The following FLT4 variants were observed in gnomAD, a reference collection of about 807,000 sequenced individuals.
FLT4 encodes vascular endothelial growth factor receptor 3.
FLT4 carries 30 observed loss-of-function variants against 163.2 expected under a neutral mutation model. The observed-to-expected ratio is 0.18, with a 90% CI of 0.14 to 0.25. The LOEUF is 0.25. Ranked by LOEUF, FLT4 falls within the 10% of genes least tolerant of loss-of-function variation. The pLI, the probability that FLT4 is intolerant of heterozygous loss-of-function variation, is 1.00. For synonymous variants in FLT4, 884 were observed against 789.5 expected, an observed-to-expected ratio of 1.12 and a Z score of -2.01; for missense variants, 1,510 against 1,863.8, an observed-to-expected ratio of 0.81 and a Z score of 3.50.
chr5:180,605,095 C>T (rs946677737), intron 29 of FLT4, among the ~76,000 whole-genome samples: 10 of 152,228 alleles, frequency 6.6e-5, no homozygotes, highest in African/African-American at 2.4e-4. Context: ...TGAGCGGCTG[C>T]TACCACAGGC....
chr5:180,648,642 C>G lies in FLT4; in HGVS notation c.58+846G>C, dbSNP rs374654565. ...TTCCTCCCTGACATCTCCATCCACTCCCTCTGCCGCCCGCTCATCCCCCAC... is the reference window on the plus strand; with the variant it reads ...TTCCTCCCTGACATCTCCATCCACTGCCTCTGCCGCCCGCTCATCCCCCAC... On this transcript the variant is annotated intron_variant, in intron 1 of 29. Transcript: ENST00000261937. Among the ~76,000 whole-genome samples, 6 of 152,282 alleles carry G rather than the reference C, an allele frequency of 3.9e-5. No homozygotes were observed. The East Asian group carries it at 9.7e-4, about 25-fold the overall frequency.
intron 12 of FLT4, among the ~76,000 whole-genome samples, 166 bp downstream of exon 12, chr5:180,622,565 C>A (rs1275696964): frequency 6.6e-6 from 1 of 152,172 alleles, no homozygotes; most frequent in Non-Finnish European, 1.5e-5. Flanking sequence ...TGCGCCAGCA[C>A]CCAGGCCCTA....
intron 1 of FLT4, among the ~76,000 whole-genome samples, chr5:180,637,278 T>G (rs1369228646): frequency 1.4e-5 from 2 of 147,206 alleles, no homozygotes; most frequent in Admixed American, 6.9e-5. Context: ...TGCAGTGAGC[T>G]GAGATCGTGC....
At chr5:180,609,315 A>G (rs1024855834) in intron 28 of FLT4, 5 of 563,342 alleles carry the variant, frequency 8.9e-6, no homozygotes, top group African/African-American at 7.5e-5. Context: ...ACGGTGGCCA[A>G]GCATATGCTC....
intron 10 of FLT4, 92 bp from the exon 11 acceptor site, chr5:180,624,153 C>T (rs1763412036): frequency 4.7e-6 from 7 of 1,493,698 alleles, no homozygotes; most frequent in Non-Finnish European, 5.5e-6. Context: ...CATATCCAGT[C>T]ACCTTCTCAT....
At chr5:180,622,921 G>A (rs1209450348) in intron 11 of FLT4, 82 bp from the exon 12 acceptor site, 2 of 813,514 alleles carry the variant, frequency 2.5e-6, no homozygotes, top group African/African-American at 2.0e-5. Flanking sequence ...GGAGGTCGCT[G>A]TGCACCACCC....
Position 180,623,423 on chromosome 5 carries a change from A to T in FLT4, c.1548+512T>A, listed in dbSNP as rs905309702. ...GAGAGGGCCACAGGCCCTGCCTACC[A>T]TCCAAAGACCCCCACCCCCACCCCA... On this transcript the variant is annotated intron_variant, in intron 11 of 29. Coordinates refer to ENST00000261937, the MANE Select transcript of FLT4 (RefSeq NM_182925.5). This position sits in a 1 kb window ranked among gnomAD's most constrained non-coding sequence, Gnocchi z 5.8. Among the ~76,000 whole-genome samples the T allele has an allele frequency of 2.1e-4, 32 of 152,036 alleles. No individual in the cohort carries two copies. Among genetic ancestry groups the T allele is most frequent in the Non-Finnish European group, 3.2e-4 (22 of 67,986 alleles).
intron 1 of FLT4, among the ~76,000 whole-genome samples, chr5:180,648,315 G>C (rs1405974787): frequency 6.6e-6 from 1 of 152,196 alleles, no homozygotes; most frequent in East Asian, 1.9e-4. Flanking sequence ...CCTTCAGCCA[G>C]TGGACATACA....
intron 1 of FLT4, among the ~76,000 whole-genome samples, chr5:180,640,679 G>T (rs149503590): frequency 6.6e-6 from 1 of 152,356 alleles, no homozygotes; most frequent in African/African-American, 2.4e-5. Flanking sequence ...AGCCCAGTGA[G>T]AGCTGCTGGG....
chr5:180,606,469 C>G (rs944325784), intron 29 of FLT4, among the ~76,000 whole-genome samples: 3 of 152,186 alleles, frequency 2.0e-5, no homozygotes, highest in Non-Finnish European at 4.4e-5. Context: ...CACCATGGTG[C>G]AGGCTCAGCC....
chr5:180,621,371 G>A (rs1308800662), intron 13 of FLT4, 119 bp from the exon 14 acceptor site: 6 of 1,417,184 alleles, frequency 4.2e-6, no homozygotes, highest in African/African-American at 1.4e-5. Context: ...GTTGTGCGCC[G>A]GGCAGGAGCG....
chr5:180,643,285 C>T (rs1765261190), intron 1 of FLT4, among the ~76,000 whole-genome samples: 4 of 152,214 alleles, frequency 2.6e-5, no homozygotes, highest in Admixed American at 2.6e-4. Context: ...GCTTTGCAGA[C>T]TGAGTAGGAG....
At chr5:180,607,662 C>T (rs533207538) in intron 29 of FLT4, among the ~76,000 whole-genome samples, 1 of 147,614 alleles carries the variant, frequency 6.8e-6, no homozygotes, top group African/African-American at 2.5e-5. Context: ...TACATACATA[C>T]ATATATATAT....
At chr5:180,610,114 CT>C in intron 27 of FLT4, 89 bp from the exon 28 acceptor site, 1 of 1,589,378 alleles carries the variant, frequency 6.3e-7, no homozygotes, top group Non-Finnish European at 8.6e-7. Flanking sequence ...CCCTCTTCTC[CT>C]GGAAAGGACC....
chr5:180,642,071 G>C (rs1299496691), intron 1 of FLT4, among the ~76,000 whole-genome samples: 1 of 152,102 alleles, frequency 6.6e-6, no homozygotes, highest in Non-Finnish European at 1.5e-5. Flanking sequence ...GCCCAGTGTG[G>C]TGGCGGGCGC....
At chr5:180,639,460 T>C (rs576801689) in intron 1 of FLT4, among the ~76,000 whole-genome samples, 13 of 151,050 alleles carry the variant, frequency 8.6e-5, no homozygotes, top group South Asian at 4.2e-4. Flanking sequence ...GATGGGTAGA[T>C]TGAACAGAAG....
chr5:180,638,250 C>A (rs1379227264), intron 1 of FLT4, among the ~76,000 whole-genome samples: 3 of 152,230 alleles, frequency 2.0e-5, no homozygotes, highest in Non-Finnish European at 4.4e-5. Context: ...ACCCCACAGA[C>A]AACCCGCAGT....
chr5:180,619,088 T>A lies in FLT4; in HGVS notation c.2783A>T (p.Glu928Val). 6.4e-7 allele frequency: 1 copy of A among 1,556,930 alleles called. No individual in the cohort carries two copies. Among genetic ancestry groups the A allele is most frequent in the South Asian group, 1.2e-5 (1 of 84,634 alleles). ...GGAGAGGTTGCCGTACTTGCAGAAC[T>A]CCACGATCACCATGAGGGGGCCTGC... ...KPQGPLMVIV[E>V]FCKYGNLSNF... The change falls in exon 20 of 30, where the codon GAG (glutamate) becomes GTG (valine). Residue 928 changes from glutamate (E) to valine (V), a missense_variant. Coordinates refer to ENST00000261937, the MANE Select transcript of FLT4 (RefSeq NM_182925.5).
At chr5:180,604,901 G>C (rs541203380) in intron 29 of FLT4, among the ~76,000 whole-genome samples, 1 of 152,158 alleles carries the variant, frequency 6.6e-6, no homozygotes, top group Admixed American at 6.5e-5. Flanking sequence ...CTCTGTGTCT[G>C]GCACTATCAG....
Sources: allele counts gnomAD v4.1 joint callset (sites outside exome capture counted in the v4.1 genomes callset), GRCh38; gene constraint gnomAD v4.1.1; non-coding constraint Gnocchi (gnomAD v3.1); transcripts MANE v1.5; gene names NCBI Gene and HGNC (gene_info 2026-07-23, HGNC 2026-07-21).